GHSR: variants seen among roughly 807,000 people sequenced by gnomAD.
GHSR encodes growth hormone secretagogue receptor type 1.
Under a neutral mutation model 24.0 loss-of-function variants are expected in GHSR, and 17 were observed. That is an observed-to-expected ratio of 0.71 (90% CI 0.49 to 1.06). The LOEUF (loss-of-function observed/expected upper bound fraction) is 1.06. GHSR is among the 50% of genes least tolerant of loss of function. GHSR has a pLI of 0.00. For missense variants in GHSR, 504 were observed against 483.1 expected (o/e 1.04, Z -0.41); for synonymous variants, 238 against 208.1 (o/e 1.14, Z -1.24).
chr3:172,447,437 A>G, intron 1 of GHSR, 181 bp downstream of exon 1: 2 of 1,321,488 alleles, frequency 1.5e-6, no homozygotes, highest in Non-Finnish European at 2.0e-6. Flanking sequence ...CAAAAACATC[A>G]CTCAAGAAAG....
At chr3:172,445,995 A>G (rs1423541346) in intron 1 of GHSR, among the ~76,000 whole-genome samples, 1 of 152,022 alleles carries the variant, frequency 6.6e-6, no homozygotes, top group African/African-American at 2.4e-5. Flanking sequence ...ATTAAGAATC[A>G]CTGAGATGAA....
At position 172,445,107 on chromosome 3, in the gene GHSR, CTA is replaced by C; in HGVS notation, c.*52_*53del. 1.3e-6 allele frequency: 2 copies of C among 1,592,778 alleles called. No individual in the cohort carries two copies. Among genetic ancestry groups the C allele is most frequent in the East Asian group, 2.2e-5 (1 of 44,780 alleles). On this transcript the variant is annotated 3_prime_UTR_variant, in exon 2 of 2. Transcript: ENST00000241256. The stretch of plus-strand genomic sequence containing the variant: ...CAGCTTCCTCCCAAGTTCTGCTGTG[CTA>C]TGTCTTCCGGTTTAGAGTAATAAGC...
chr3:172,445,235 A>G lies in GHSR; in HGVS notation c.1027T>C (p.Phe343Leu), dbSNP rs1333429156. 2 of 1,613,992 alleles carry G rather than the reference A, an allele frequency of 1.2e-6. No individual in the cohort carries two copies. Among genetic ancestry groups the G allele is most frequent in the Non-Finnish European group, 1.7e-6 (2 of 1,180,022 alleles). ...AGAGTGGAGAGCTTTCTCTGGGAGA[A>G]GGGTTCGAATCCCAGAAGTCTGAAC... Reference protein sequence around the residue: ...AVFRLLGFEPFSQRKLSTLKD... With the variant: ...AVFRLLGFEPLSQRKLSTLKD... Residue 343 changes from phenylalanine (F) to leucine (L), a missense_variant, in exon 2 of 2, where the codon TTC becomes CTC. Coordinates refer to ENST00000241256, the MANE Select transcript of GHSR (RefSeq NM_198407.2).
At position 172,447,676 on chromosome 3, in the gene GHSR, ATCGCCGCGCCTCC is replaced by A; in HGVS notation, c.725_737del (p.Arg242MetfsTer17). On this transcript the variant is annotated frameshift_variant, in exon 1 of 2. Transcript: ENST00000241256. LOFTEE classifies it high-confidence loss of function. ...CCCTGAGCGAGGCACCCACGACAGC[ATCGCCGCGCCTCC>A]TCCGCCACAGCTTCCTGCCGATGAG... is the stretch of plus-strand genomic sequence containing the variant. The A allele has an allele frequency of 6.2e-7, 1 of 1,614,082 alleles. No individual in the cohort carries two copies. Among genetic ancestry groups the A allele is most frequent in the Non-Finnish European group, 8.5e-7 (1 of 1,180,032 alleles).
chr3:172,446,620 T>G (rs1407649306), intron 1 of GHSR, among the ~76,000 whole-genome samples: 1 of 152,232 alleles, frequency 6.6e-6, no homozygotes, highest in Non-Finnish European at 1.5e-5. Context: ...TATACAGACC[T>G]TGGTTTTGAA....
At chr3:172,447,410 G>A in intron 1 of GHSR, 2 of 1,102,414 alleles carry the variant, frequency 1.8e-6, no homozygotes, top group East Asian at 5.2e-5. Flanking sequence ...CAGAGACAGA[G>A]AGAAAGATTG....
intron 1 of GHSR, among the ~76,000 whole-genome samples, chr3:172,446,120 C>A (rs1358033040): frequency 1.3e-5 from 2 of 152,066 alleles, no homozygotes; most frequent in Non-Finnish European, 2.9e-5. Context: ...TTAATGATGT[C>A]TAAATGTTTA....
At chr3:172,446,083 C>A (rs1341086376) in intron 1 of GHSR, among the ~76,000 whole-genome samples, 1 of 152,066 alleles carries the variant, frequency 6.6e-6, no homozygotes, top group African/African-American at 2.4e-5. Flanking sequence ...CCATCCAAGT[C>A]TTCATTTTGC....
At position 172,445,109 on chromosome 3, in the gene GHSR, A is replaced by T; in HGVS notation, c.*52T>A. On this transcript the variant is annotated 3_prime_UTR_variant, in exon 2 of 2. Coordinates refer to ENST00000241256, the MANE Select transcript of GHSR (RefSeq NM_198407.2). ...GCTTCCTCCCAAGTTCTGCTGTGCT[A>T]TGTCTTCCGGTTTAGAGTAATAAGC... 6.3e-7 allele frequency: 1 copy of T among 1,596,016 alleles called. No individual in the cohort carries two copies. Among genetic ancestry groups the T allele is most frequent in the African/African-American group, 1.3e-5 (1 of 74,600 alleles).
intron 1 of GHSR, among the ~76,000 whole-genome samples, chr3:172,446,568 CATT>C (rs1178127124): frequency 6.6e-6 from 1 of 152,126 alleles, no homozygotes; most frequent in Non-Finnish European, 1.5e-5. Flanking sequence ...TAAAATATGC[CATT>C]AAGTATGAAG....
At chr3:172,447,446 A>G in intron 1 of GHSR, 172 bp downstream of exon 1, 1 of 1,393,166 alleles carries the variant, frequency 7.2e-7, no homozygotes, top group East Asian at 2.5e-5. Flanking sequence ...CACTCAAGAA[A>G]GCAAGAGGAG....
In GHSR at chr3:172,445,154, T is replaced by G. The variant is rs370407340; in HGVS notation, c.*7A>C. 9.3e-6 allele frequency: 15 copies of G among 1,613,924 alleles called. No individual in the cohort carries two copies. The African/African-American group carries it at 1.9e-4, about 20-fold the overall frequency. Reference sequence around the variant, plus strand: ...ATAAGCGGTGACTGTACTCGCAATGTGCTAGGTCATGTATTAATACTAGAT... The same window carrying G: ...ATAAGCGGTGACTGTACTCGCAATGGGCTAGGTCATGTATTAATACTAGAT... On this transcript the variant is annotated 3_prime_UTR_variant, in exon 2 of 2. Coordinates refer to ENST00000241256, the MANE Select transcript of GHSR (RefSeq NM_198407.2).
Position 172,444,379 on chromosome 3 carries a change from T to C in GHSR, c.*782A>G, listed in dbSNP as rs937402740. Reference sequence around the variant, plus strand: ...GTTCTGAGTGGTAACCTCGAGCTACTGGATACTTGAAATGTGACTAGTGCA... The same window carrying C: ...GTTCTGAGTGGTAACCTCGAGCTACCGGATACTTGAAATGTGACTAGTGCA... On this transcript the variant is annotated 3_prime_UTR_variant, in exon 2 of 2. Coordinates refer to ENST00000241256, the MANE Select transcript of GHSR (RefSeq NM_198407.2). Among the ~76,000 whole-genome samples, 25 of 152,198 alleles carry C rather than the reference T, an allele frequency of 1.6e-4. 1 individual carries two copies. The highest frequency in any genetic ancestry group is 5.8e-4 in the African/African-American group (24 of 41,462).
chr3:172,447,254 G>A (rs1291842295), intron 1 of GHSR, among the ~76,000 whole-genome samples: 5 of 152,078 alleles, frequency 3.3e-5, no homozygotes, highest in Non-Finnish European at 7.3e-5. Flanking sequence ...GAGTTTCTGG[G>A]CTGATATAAA....
rs202007365 is a variant in GHSR, at chr3:172,448,283, G to A, written c.131C>T (p.Ala44Val). 5.6e-6 allele frequency: 9 copies of A among 1,612,668 alleles called. No individual in the cohort carries two copies. Among genetic ancestry groups the A allele is most frequent in the Middle Eastern group, 1.7e-4 (1 of 6,060 alleles). Residue 44 changes from alanine to valine, a missense_variant, in exon 1 of 2, where the codon GCG becomes GTG. Physicochemically the swap from Ala to Val is moderately conservative, Grantham distance 64. Transcript: ENST00000241256. This position sits in a 1 kb window ranked among gnomAD's most constrained non-coding sequence, Gnocchi z 4.8. The part of the protein sequence containing the change: ...LLQLFPAPLL[A>V]GVTATCVALF... ...TGCCACGCAGGTGGCTGTGACGCCC[G>A]CCAGCAGCGGCGCGGGGAAGAGCTG...
chr3:172,445,022 A>G lies in GHSR; in HGVS notation c.*139T>C. On this transcript the variant is annotated 3_prime_UTR_variant, in exon 2 of 2. Coordinates refer to ENST00000241256, the MANE Select transcript of GHSR (RefSeq NM_198407.2). Reference sequence around the variant, plus strand: ...AAACTGCTCACACCCTACAAATGATATCTTTTTTCCCTCCCAGATGTTTCT... The same window carrying G: ...AAACTGCTCACACCCTACAAATGATGTCTTTTTTCCCTCCCAGATGTTTCT... 1 of 923,290 alleles carries G rather than the reference A, an allele frequency of 1.1e-6. No homozygotes were observed. The highest frequency in any genetic ancestry group is 1.7e-6 in the Non-Finnish European group (1 of 577,580). The allele number at this position is 923,290 out of a possible 1,614,324, so 57.2% of individuals were successfully genotyped here.
Position 172,444,058 on chromosome 3 carries a change from T to C in GHSR, c.*1103A>G, listed in dbSNP as rs539145341. ...GAAGCCTTATAATTGACTTCAAAAT[T>C]TTTGTTAAGCCATATGAGGCAGTTT... On this transcript the variant is annotated 3_prime_UTR_variant, in exon 2 of 2. Coordinates refer to ENST00000241256, the MANE Select transcript of GHSR (RefSeq NM_198407.2). Among the ~76,000 whole-genome samples the C allele has an allele frequency of 1.3e-5, 2 of 152,306 alleles. 1 individual carries two copies. Among genetic ancestry groups the C allele is most frequent in the South Asian group, 4.1e-4 (2 of 4,830 alleles).
rs572169 is a variant in GHSR at position 172,447,937 on chromosome 3, C to T, written c.477G>A (p.Arg159=). 0.3 allele frequency: 482,598 copies of T among 1,612,494 alleles called. 76,119 individuals are homozygous for T. Among genetic ancestry groups the T allele is most frequent in the East Asian group, 0.43 (19,377 of 44,798 alleles). ...AGATGACGAAGATGACCAGCTTCAC[C>T]CGCCCCTTGGTGACCACCACCTTGG... ...LRAKVVVTKG[R]VKLVIFVIWA... The change falls in exon 1 of 2, where the codon CGG becomes CGA. Residue 159 remains arginine (R), a synonymous_variant. Transcript: ENST00000241256.
intron 1 of GHSR, among the ~76,000 whole-genome samples, chr3:172,445,780 A>G (rs550530506): frequency 6.6e-6 from 1 of 152,342 alleles, no homozygotes; most frequent in East Asian, 1.9e-4. Flanking sequence ...TGTTAGACAC[A>G]ACAGACACAC....
Sources: gnomAD v4.1 joint callset for allele counts (sites outside exome capture counted in the v4.1 genomes callset) on GRCh38, gnomAD v4.1.1 for gene constraint, Gnocchi (gnomAD v3.1) non-coding constraint, MANE v1.5 for transcripts, NCBI Gene and HGNC (gene_info 2026-07-23, HGNC 2026-07-21) for gene names.